Variants in KATNIP observed in about 807,000 individuals in gnomAD.
The protein encoded by KATNIP is katanin-interacting protein.
Under a neutral mutation model 174.0 loss-of-function variants are expected in KATNIP, and 126 were observed. The observed-to-expected ratio is 0.72, with a 90% CI of 0.63 to 0.84. The LOEUF (loss-of-function observed/expected upper bound fraction) is 0.84. KATNIP is among the 40% of genes least tolerant of loss of function. The pLI is 0.00. For missense variants in KATNIP, 1,958 were observed against 2,109.7 expected (o/e 0.93, Z 1.41); for synonymous variants, 810 against 835.7 (o/e 0.97, Z 0.53).
intron 1 of KATNIP, among the ~76,000 whole-genome samples, chr16:27,571,713 C>T (rs1221898087): frequency 6.6e-6 from 1 of 152,276 alleles, no homozygotes; most frequent in Non-Finnish European, 1.5e-5. Flanking sequence ...CCAGGACACC[C>T]CAGTCTGTCA....
Position 27,554,123 on chromosome 16 carries a change from T to G in KATNIP, c.7+3946T>G, listed in dbSNP as rs554377473. Among the ~76,000 whole-genome samples the G allele has an allele frequency of 1.4e-4, 22 of 152,168 alleles. 1 individual carries two copies. The highest frequency in any genetic ancestry group is 5.1e-4 in the African/African-American group (21 of 41,522). Reference sequence around the variant, plus strand: ...TACATTGTGGTAACATTGCCTTGATTCAGACTGCAAGCAGTTTTACCCACC... The same window carrying G: ...TACATTGTGGTAACATTGCCTTGATGCAGACTGCAAGCAGTTTTACCCACC... On this transcript the variant is annotated intron_variant, in intron 1 of 27. Transcript: ENST00000261588.
At chr16:27,700,237 A>G (rs1465087028) in intron 10 of KATNIP, among the ~76,000 whole-genome samples, 1 of 152,210 alleles carries the variant, frequency 6.6e-6, no homozygotes, top group Non-Finnish European at 1.5e-5. Flanking sequence ...TGACAAGACA[A>G]TGCAAAAACA....
intron 14 of KATNIP, among the ~76,000 whole-genome samples, chr16:27,726,534 G>C (rs560260478): frequency 6.6e-6 from 1 of 152,358 alleles, no homozygotes; most frequent in East Asian, 1.9e-4. Context: ...GACCACATGA[G>C]TCTCAGTGCT....
At chr16:27,659,481 GC>G (rs2077399055) in intron 6 of KATNIP, among the ~76,000 whole-genome samples, 1 of 150,404 alleles carries the variant, frequency 6.6e-6, no homozygotes, top group African/African-American at 2.5e-5. Flanking sequence ...CTACCCTCCA[GC>G]CTGGGGGACA....
At position 27,721,611 on chromosome 16, in the gene KATNIP, G is replaced by A. The variant is rs372956161; in HGVS notation, c.1659G>A (p.Leu553=). ...WTCPFHPPLQ[L]FFVIRNTRQL... is the part of the protein sequence containing the mutation. Reference sequence around the variant, plus strand: ...GCCCCTTCCACCCACCACTCCAGCTGTTTTTTGTTATTCGAAACACAAGAC... The same window carrying A: ...GCCCCTTCCACCCACCACTCCAGCTATTTTTTGTTATTCGAAACACAAGAC... The change falls in exon 14 of 28, where the codon CTG becomes CTA. Residue 553 remains leucine (L), a synonymous_variant. Transcript: ENST00000261588. 8.1e-5 allele frequency: 131 copies of A among 1,614,038 alleles called. No individual in the cohort carries two copies. The highest frequency in any genetic ancestry group is 1.1e-4 in the Non-Finnish European group (125 of 1,180,024).
chr16:27,648,883 A>T, intron 6 of KATNIP, 148 bp downstream of exon 6: 1 of 1,006,326 alleles, frequency 9.9e-7, no homozygotes, highest in Non-Finnish European at 1.4e-6. Flanking sequence ...CATTTCACAC[A>T]GTTTGATGAG....
At chr16:27,577,162 T>A (rs1413721252) in intron 2 of KATNIP, among the ~76,000 whole-genome samples, 3 of 152,240 alleles carry the variant, frequency 2.0e-5, no homozygotes, top group East Asian at 1.9e-4. Context: ...GTGGATTTTT[T>A]AAAATGTTTA....
chr16:27,582,102 C>T lies in KATNIP; in HGVS notation c.63+8146C>T, dbSNP rs183803358. Among the ~76,000 whole-genome samples the T allele has an allele frequency of 3.5e-3, 536 of 152,270 alleles. 3 individuals are homozygous for T. The highest frequency in any genetic ancestry group is 5.4e-3 in the Non-Finnish European group (365 of 68,014). ...TCGTAAGATTTGTCTTGGCTGATTA[C>T]AGGCTGATTACAGAAAAGACAGGTG... On this transcript the variant is annotated intron_variant, in intron 2 of 27. Transcript: ENST00000261588.
intron 5 of KATNIP, among the ~76,000 whole-genome samples, chr16:27,647,212 A>G (rs1032428298): frequency 1.3e-5 from 2 of 152,204 alleles, no homozygotes; most frequent in African/African-American, 4.8e-5. Context: ...TAGAAGAAAG[A>G]GAGGCCCCAG....
At chr16:27,563,012 C>T (rs1264934822) in intron 1 of KATNIP, among the ~76,000 whole-genome samples, 1 of 152,190 alleles carries the variant, frequency 6.6e-6, no homozygotes, top group Non-Finnish European at 1.5e-5. Flanking sequence ...GTCATTTACT[C>T]GTTCATCCAT....
chr16:27,566,703 C>T (rs1263698385), intron 1 of KATNIP, among the ~76,000 whole-genome samples: 1 of 152,098 alleles, frequency 6.6e-6, no homozygotes, highest in African/African-American at 2.4e-5. Flanking sequence ...TTCCTTGCTT[C>T]CTTGTTGTGT....
At chr16:27,735,821 G>A (rs1287350137) in intron 14 of KATNIP, among the ~76,000 whole-genome samples, 3 of 152,030 alleles carry the variant, frequency 2.0e-5, no homozygotes, top group Non-Finnish European at 4.4e-5. Flanking sequence ...ACATCTCCAG[G>A]GTCTCAGATT....
At chr16:27,594,798 T>G (rs1416914414) in intron 2 of KATNIP, among the ~76,000 whole-genome samples, 1 of 152,166 alleles carries the variant, frequency 6.6e-6, no homozygotes, top group Non-Finnish European at 1.5e-5. Context: ...TGGATGACTC[T>G]CTATGCCTCC....
In KATNIP at chr16:27,661,999, T is replaced by TATACAC. The variant is rs1401247143; in HGVS notation, c.540+13267_540+13268insCACATA. On this transcript the variant is annotated intron_variant, in intron 6 of 27. Transcript: ENST00000261588. Reference sequence around the variant, plus strand: ...ATATATATATATACACATACATATATATATATATATATATATACACATACA... The same window carrying TATACAC: ...ATATATATATATACACATACATATATATACACATATATATATATATATACACATACA... Among the ~76,000 whole-genome samples, 7 of 73,750 alleles carry TATACAC rather than the reference T, an allele frequency of 9.5e-5. 1 individual carries two copies. Among genetic ancestry groups the TATACAC allele is most frequent in the African/African-American group, 5.6e-4 (7 of 12,418 alleles). The allele number at this position is 73,750 out of a possible 152,430, so 48.4% of individuals were successfully genotyped here.
At chr16:27,575,677 CA>C in intron 2 of KATNIP, among the ~76,000 whole-genome samples, 2 of 152,320 alleles carry the variant, frequency 1.3e-5, no homozygotes, top group South Asian at 4.1e-4. Flanking sequence ...GGCTGAACTG[CA>C]CTCAGCGTCG....
Position 27,708,784 on chromosome 16 carries a change from C to T in KATNIP, c.1469C>T (p.Ser490Leu), listed in dbSNP as rs779040410. Reference protein sequence around the residue: ...TMEILSNWGNSWWVGLTEVEF... With the variant: ...TMEILSNWGNLWWVGLTEVEF... ...GAGATCCTGTCCAACTGGGGCAACT[C>T]GTGGTGGGTGGGTCTCACAGAAGTC... Residue 490 changes from serine (S) to leucine (L), a missense_variant, in exon 13 of 28, where the codon TCG becomes TTG. By Grantham distance (145) the Ser-to-Leu change is moderately radical. Transcript: ENST00000261588. 7 of 1,613,832 alleles carry T rather than the reference C, an allele frequency of 4.3e-6. No homozygotes were observed. The highest frequency in any genetic ancestry group is 5.9e-6 in the Non-Finnish European group (7 of 1,179,974).
At chr16:27,647,240 C>A (rs60955187) in intron 5 of KATNIP, among the ~76,000 whole-genome samples, 22,619 of 152,052 alleles carry the variant, frequency 0.15, 2,727 homozygotes, top group East Asian at 0.61. Context: ...TGTCTGCAGT[C>A]CAGAAAGTTT....
At chr16:27,587,183 G>A (rs1046497990) in intron 2 of KATNIP, among the ~76,000 whole-genome samples, 6 of 152,148 alleles carry the variant, frequency 3.9e-5, no homozygotes, top group Non-Finnish European at 8.8e-5. Context: ...CCTCCTCCTG[G>A]AGTTGTTGAG....
intron 6 of KATNIP, chr16:27,660,058 G>A: frequency 1.0e-6 from 1 of 961,374 alleles, no homozygotes; most frequent in Non-Finnish European, 1.2e-6. Context: ...GAAATACCAA[G>A]TGACAGATTC....
Sources: allele counts gnomAD v4.1 joint callset (sites outside exome capture counted in the v4.1 genomes callset), GRCh38; gene constraint gnomAD v4.1.1; transcripts MANE v1.5; gene names NCBI Gene and HGNC (gene_info 2026-07-23, HGNC 2026-07-21).